DAB1: variants seen among roughly 807,000 people sequenced by gnomAD.
The protein encoded by DAB1 is disabled homolog 1.
In DAB1, 15 loss-of-function variants were observed where a neutral mutation model predicts 64.6. The observed-to-expected ratio is 0.23, with a 90% CI of 0.16 to 0.36. DAB1 has a LOEUF of 0.36. Among genes scored for constraint, DAB1 ranks in the 10% least tolerant of loss-of-function variants. The pLI is 1.00. For synonymous variants in DAB1, 235 were observed against 251.9 expected (o/e 0.93, Z 0.64); for missense variants, 596 against 706.7 (o/e 0.84, Z 1.78).
intron 4 of DAB1, among the ~76,000 whole-genome samples, chr1:57,105,153 CT>C (rs1655027353): frequency 1.3e-5 from 2 of 151,958 alleles, no homozygotes; most frequent in Non-Finnish European, 2.9e-5. Context: ...GATTTGGGGT[CT>C]TTGTAGGCAA....
intron 5 of DAB1, among the ~76,000 whole-genome samples, chr1:57,928,818 T>C (rs1168662741): frequency 2.0e-5 from 3 of 152,220 alleles, no homozygotes; most frequent in African/African-American, 7.2e-5. Context: ...TATTTCGTTA[T>C]CTGGATGTAA....
intron 6 of DAB1, among the ~76,000 whole-genome samples, chr1:57,679,930 T>C (rs943507382): frequency 6.6e-6 from 1 of 152,216 alleles, no homozygotes; most frequent in African/African-American, 2.4e-5. Flanking sequence ...ACTTTGTTCA[T>C]ATAATGTAAA....
chr1:57,980,501 A>G (rs1443852089), intron 5 of DAB1, among the ~76,000 whole-genome samples: 1 of 152,148 alleles, frequency 6.6e-6, no homozygotes, highest in Admixed American at 6.6e-5. Flanking sequence ...TGGGTTTCAA[A>G]TTAGAAGCTT....
At chr1:58,435,259 T>G (rs2100250958) in intron 3 of DAB1, among the ~76,000 whole-genome samples, 1 of 152,292 alleles carries the variant, frequency 6.6e-6, no homozygotes, top group Non-Finnish European at 1.5e-5. Flanking sequence ...TTTTTTCTGT[T>G]CAGATTCTAG....
chr1:57,436,853 C>T (rs546413081), intron 7 of DAB1, among the ~76,000 whole-genome samples: 1 of 152,046 alleles, frequency 6.6e-6, no homozygotes, highest in South Asian at 2.1e-4. Flanking sequence ...ATGGTGAACC[C>T]CGTCTCTACT....
intron 11 of DAB1, among the ~76,000 whole-genome samples, chr1:57,018,360 C>T (rs1031072896): frequency 2.6e-5 from 4 of 152,204 alleles, no homozygotes; most frequent in Admixed American, 2.0e-4. Context: ...CAGGTATATA[C>T]ATCTGACTCT....
chr1:57,386,366 G>GAA (rs5774342), intron 1 of DAB1, among the ~76,000 whole-genome samples: 3,086 of 113,040 alleles, frequency 0.027, 118 homozygotes, highest in East Asian at 0.16. Flanking sequence ...GGCCCCTTGG[G>GAA]AAAAAAAAAA....
intron 4 of DAB1, among the ~76,000 whole-genome samples, chr1:58,157,818 T>C (rs1655300260): frequency 1.3e-5 from 2 of 152,176 alleles, no homozygotes; most frequent in African/African-American, 4.8e-5. Flanking sequence ...ATAATTTTTA[T>C]ACTGCTAATG....
chr1:57,851,758 C>T (rs1653536133), intron 1 of DAB1, among the ~76,000 whole-genome samples: 1 of 152,208 alleles, frequency 6.6e-6, no homozygotes, highest in Non-Finnish European at 1.5e-5. Context: ...TCCAATCCCT[C>T]ATGACATGCA....
At chr1:58,436,686 A>G (rs1644948542) in intron 3 of DAB1, among the ~76,000 whole-genome samples, 2 of 152,266 alleles carry the variant, frequency 1.3e-5, no homozygotes, top group African/African-American at 4.8e-5. Flanking sequence ...ATAAGAAAGA[A>G]AATAAACAAT....
chr1:57,181,386 A>G (rs1307342207), intron 2 of DAB1, among the ~76,000 whole-genome samples: 4 of 152,204 alleles, frequency 2.6e-5, no homozygotes, highest in African/African-American at 9.6e-5. Flanking sequence ...TCTGCTTTAC[A>G]CAGACCTGAT....
intron 5 of DAB1, among the ~76,000 whole-genome samples, chr1:57,931,307 T>C (rs745868194): frequency 2.0e-5 from 3 of 152,206 alleles, no homozygotes; most frequent in African/African-American, 7.2e-5. Flanking sequence ...GATATTGGTC[T>C]ATAGTTTTCT....
At chr1:58,072,295 T>C (rs181745511) in intron 5 of DAB1, among the ~76,000 whole-genome samples, 1 of 152,312 alleles carries the variant, frequency 6.6e-6, no homozygotes, top group African/African-American at 2.4e-5. Context: ...CCATTCATAG[T>C]GTTGACTGGT....
intron 1 of DAB1, among the ~76,000 whole-genome samples, chr1:57,401,866 C>T (rs1683269662): frequency 6.6e-6 from 1 of 152,124 alleles, no homozygotes; most frequent in South Asian, 2.1e-4. Context: ...CAGAGGTGAC[C>T]ATGGAGATTT....
intron 3 of DAB1, among the ~76,000 whole-genome samples, chr1:58,379,426 C>T (rs1023249942): frequency 3.9e-5 from 6 of 152,232 alleles, no homozygotes; most frequent in Non-Finnish European, 4.4e-5. Context: ...CCATGGATTA[C>T]AACCCATTGA....
chr1:57,740,864 T>C (rs1647956856), intron 6 of DAB1, among the ~76,000 whole-genome samples: 1 of 152,030 alleles, frequency 6.6e-6, no homozygotes, highest in Non-Finnish European at 1.5e-5. Context: ...ATAGACAAAG[T>C]ACAGAAATTA....
chr1:57,069,222 G>T, intron 8 of DAB1, 138 bp downstream of exon 8: 1 of 682,346 alleles, frequency 1.5e-6, no homozygotes, highest in Non-Finnish European at 2.6e-6. Flanking sequence ...AATTGCTGGG[G>T]AACTAGAAGC....
At position 57,082,399 on chromosome 1, in the gene DAB1, A is replaced by G. The variant is rs545930246; in HGVS notation, c.307-9985T>C. On this transcript the variant is annotated intron_variant, in intron 4 of 14. Transcript: ENST00000371236. ...AAACCATAAGAGAGTCTTTAAGAAG[A>G]CACACGTGCTTAGAAGTGCTTCATG... is the stretch of plus-strand genomic sequence containing the variant. Among the ~76,000 whole-genome samples, 237 of 152,324 alleles carry G rather than the reference A, an allele frequency of 1.6e-3. 1 individual carries two copies. The highest frequency in any genetic ancestry group is 5.5e-3 in the African/African-American group (229 of 41,586).
At chr1:57,446,168 T>A in intron 7 of DAB1, among the ~76,000 whole-genome samples, 1 of 152,216 alleles carries the variant, frequency 6.6e-6, no homozygotes, top group East Asian at 1.9e-4. Flanking sequence ...AAAACTCAGG[T>A]TCTTTTTTGT....
Sources: gnomAD v4.1 joint callset for allele counts (sites outside exome capture counted in the v4.1 genomes callset) on GRCh38, gnomAD v4.1.1 for gene constraint, MANE v1.5 for transcripts, NCBI Gene and HGNC (gene_info 2026-07-23, HGNC 2026-07-21) for gene names.